The following ANKDD1A variants were observed in gnomAD, a reference collection of about 807,000 sequenced individuals.
ANKDD1A encodes ankyrin repeat and death domain-containing protein 1A.
In ANKDD1A, 59 loss-of-function variants were observed where a neutral mutation model predicts 63.5. The observed-to-expected ratio is 0.93, with a 90% confidence interval of 0.75 to 1.15. The LOEUF is 1.15. ANKDD1A is among the 50% of genes most tolerant of loss of function. The pLI is 0.00. For synonymous variants in ANKDD1A, 266 were observed against 263.9 expected, an observed-to-expected ratio of 1.01 and a Z score of -0.08; for missense variants, 632 against 656.4, an observed-to-expected ratio of 0.96 and a Z score of 0.41.
chr15:64,951,478 T>C (rs2085275338), intron 14 of ANKDD1A: 1 of 109,034 alleles, frequency 9.2e-6, no homozygotes, highest in South Asian at 2.6e-4. Context: ...TTTCTTTTCT[T>C]CTTCCTCTTC....
intron 4 of ANKDD1A, 88 bp downstream of exon 4, chr15:64,922,107 C>A: frequency 8.2e-7 from 1 of 1,223,612 alleles, no homozygotes; most frequent in Admixed American, 2.1e-5. Context: ...CCCACCCCTG[C>A]TTGCCCCTCC....
rs1174471393 is a variant in ANKDD1A, at chr15:64,953,552, C to T, written c.1484-3551C>T. On this transcript the variant is annotated intron_variant, in intron 14 of 14. Transcript: ENST00000319580. Reference sequence around the variant, plus strand: ...TCTTCTCCTCTCCTTCTTCCTTCTCCTTCTTTCTTCCTCCTTCTTCTTAGT... The same window carrying T: ...TCTTCTCCTCTCCTTCTTCCTTCTCTTTCTTTCTTCCTCCTTCTTCTTAGT... 6.8e-3 allele frequency among the ~76,000 whole-genome samples: 672 copies of T among 98,700 alleles called. 11 individuals carry two copies. Among genetic ancestry groups the T allele is most frequent in the African/African-American group, 0.022 (639 of 28,656 alleles). The allele number at this position is 98,700 out of a possible 152,430, so 64.8% of individuals were successfully genotyped here.
At chr15:64,954,060 TTCTTTC>T (rs1198064337) in intron 14 of ANKDD1A, among the ~76,000 whole-genome samples, 5 of 38,010 alleles carry the variant, frequency 1.3e-4, no homozygotes, top group East Asian at 9.5e-4. Flanking sequence ...TTTCTCCTTC[TTCTTTC>T]TTCTTCCTCT....
At chr15:64,952,550 C>CGT (rs2085311809) in intron 14 of ANKDD1A, among the ~76,000 whole-genome samples, 3 of 128,120 alleles carry the variant, frequency 2.3e-5, no homozygotes, top group Non-Finnish European at 3.3e-5. Context: ...TTCTCCTCCT[C>CGT]CTTCCTTCTC....
At chr15:64,924,255 A>G (rs969581019) in intron 4 of ANKDD1A, among the ~76,000 whole-genome samples, 1 of 152,238 alleles carries the variant, frequency 6.6e-6, no homozygotes, top group South Asian at 2.1e-4. Context: ...AGACTTCCTT[A>G]TGTGTCTGCC....
intron 14 of ANKDD1A, 161 bp downstream of exon 14, chr15:64,950,133 C>A (rs146330761): frequency 1.0e-6 from 1 of 985,300 alleles, no homozygotes; most frequent in Non-Finnish European, 1.2e-6. Flanking sequence ...CTTGGGCAAA[C>A]TACAGTGCCT....
intron 3 of ANKDD1A, among the ~76,000 whole-genome samples, chr15:64,919,057 C>T (rs917667347): frequency 2.0e-5 from 3 of 152,086 alleles, no homozygotes; most frequent in Non-Finnish European, 4.4e-5. Flanking sequence ...TAATGGGGTT[C>T]GGGAGATACT....
At chr15:64,931,626 C>T (rs1158919080) in intron 8 of ANKDD1A, 41 bp downstream of exon 8, 3 of 1,596,718 alleles carry the variant, frequency 1.9e-6, no homozygotes, top group South Asian at 2.2e-5. Flanking sequence ...CTCTTGGCTG[C>T]TGAGCCATAG....
chr15:64,917,493 C>A lies in ANKDD1A; in HGVS notation c.246C>A (p.Ala82=). ...AAVDEEDAVG[A]LTEARLCFGM... ...TGGACGAGGAGGATGCGGTAGGGGC[C>A]CTCACAGAGGCACGTCTGTGTGTAC... The change falls in exon 3 of 15, where the codon GCC becomes GCA. Residue 82 remains alanine (A), a synonymous_variant. Coordinates refer to ENST00000319580, the MANE Select transcript of ANKDD1A (RefSeq NM_182703.6). The A allele has an allele frequency of 1.1e-5, 18 of 1,586,294 alleles. No homozygotes were observed. The highest frequency in any genetic ancestry group is 1.5e-5 in the Non-Finnish European group (18 of 1,166,756).
chr15:64,943,798 C>G lies in ANKDD1A; in HGVS notation c.1065+216C>G, dbSNP rs921180180. On this transcript the variant is annotated intron_variant, in intron 11 of 14. Coordinates refer to ENST00000319580, the MANE Select transcript of ANKDD1A (RefSeq NM_182703.6). ...AAGGTCCTTCAGCCTTGGCCCACCC[C>G]CCTCTGGTATAGGCCTGTGAAATGA... 4.3e-5 allele frequency: 25 copies of G among 586,398 alleles called. 1 individual carries two copies. The highest frequency in any genetic ancestry group is 1.0e-4 in the South Asian group (5 of 50,222). 36.3% of individuals were successfully genotyped at this position (586,398 alleles called of 1,614,324 possible).
intron 11 of ANKDD1A, chr15:64,943,799 C>T: frequency 1.7e-6 from 1 of 585,286 alleles, no homozygotes; most frequent in Non-Finnish European, 3.1e-6. Context: ...GGCCCACCCC[C>T]CTCTGGTATA....
At position 64,952,767 on chromosome 15, in the gene ANKDD1A, TTTCTTTTCTTCTTCCTTCTCCTTC is replaced by T. The variant is rs1356808309; in HGVS notation, c.1483+2808_1483+2831del. ...TTCTTTCCTCTTCTCCTCCTCCTCC[TTTCTTTTCTTCTTCCTTCTCCTTC>T]TTCTTTTCTTCTCCTTCTCCTCCTT... On this transcript the variant is annotated intron_variant, in intron 14 of 14. Coordinates refer to ENST00000319580, the MANE Select transcript of ANKDD1A (RefSeq NM_182703.6). 8.6e-5 allele frequency among the ~76,000 whole-genome samples: 10 copies of T among 116,048 alleles called. No individual in the cohort carries two copies. In the East Asian group the frequency reaches 2.6e-3, roughly 30 times the overall value. 76.1% of individuals were successfully genotyped at this position (116,048 alleles called of 152,430 possible).
chr15:64,942,396 C>A, intron 9 of ANKDD1A, 71 bp from the exon 10 acceptor site: 2 of 1,250,108 alleles, frequency 1.6e-6, no homozygotes, highest in East Asian at 2.7e-5. Context: ...TCCTCCTGTC[C>A]CCAGCACCAG....
At chr15:64,952,669 TC>T (rs2085316602) in intron 14 of ANKDD1A, among the ~76,000 whole-genome samples, 2 of 120,844 alleles carry the variant, frequency 1.7e-5, no homozygotes, top group Admixed American at 8.9e-5. Flanking sequence ...TTCCCCTTCT[TC>T]CTTCTTCTTC....
At chr15:64,931,915 G>C (rs746758870) in intron 8 of ANKDD1A, 6 of 486,370 alleles carry the variant, frequency 1.2e-5, no homozygotes, top group Non-Finnish European at 2.2e-5. Context: ...ATTTTTTTGA[G>C]ATGGGTCTTA....
At chr15:64,925,828 G>T (rs11857130) in intron 4 of ANKDD1A, among the ~76,000 whole-genome samples, 1 of 152,104 alleles carries the variant, frequency 6.6e-6, no homozygotes, top group South Asian at 2.1e-4. Context: ...CCGAGACTCC[G>T]GAGCTGAGGG....
In ANKDD1A at chr15:64,943,365, A is replaced by G. The variant is rs878960185; in HGVS notation, c.967-119A>G. 1.5e-5 allele frequency: 12 copies of G among 801,648 alleles called. No homozygotes were observed. The South Asian group carries it at 1.9e-4, about 13-fold the overall frequency. 49.7% of individuals were successfully genotyped at this position (801,648 alleles called of 1,614,324 possible). A position where few individuals can be genotyped will look rare whatever the true frequency, so the allele number is the denominator to read the frequency against. On this transcript the variant is annotated intron_variant, in intron 10 of 14. Coordinates refer to ENST00000319580, the MANE Select transcript of ANKDD1A (RefSeq NM_182703.6). ...TATGTAAAACCAACAAACTGAAAAC[A>G]TTCTGCATTAAAGAAAAGACTAGAA...
chr15:64,947,624 A>G, intron 13 of ANKDD1A, 31 bp downstream of exon 13: 2 of 1,608,024 alleles, frequency 1.2e-6, no homozygotes, highest in Non-Finnish European at 1.7e-6. Flanking sequence ...GCCCTAAGCA[A>G]CCATTGGGCG....
intron 9 of ANKDD1A, among the ~76,000 whole-genome samples, chr15:64,940,824 G>A (rs2085177935): frequency 6.6e-6 from 1 of 151,456 alleles, no homozygotes; most frequent in African/African-American, 2.4e-5. Context: ...CTGCAGCCTC[G>A]TCCTCTTGGG....
Sources: allele counts gnomAD v4.1 joint callset (sites outside exome capture counted in the v4.1 genomes callset), GRCh38; gene constraint gnomAD v4.1.1; transcripts MANE v1.5; gene names NCBI Gene and HGNC (gene_info 2026-07-23, HGNC 2026-07-21).